The following SLCO3A1 variants were observed in gnomAD, a reference collection of about 807,000 sequenced individuals.
SLCO3A1 encodes the protein solute carrier organic anion transporter family member 3A1.
Under a neutral mutation model 63.1 loss-of-function variants are expected in SLCO3A1, and 27 were observed. The ratio of observed to expected loss-of-function variants is 0.43; its 90% CI spans 0.32 to 0.59. The LOEUF (loss-of-function observed/expected upper bound fraction) is 0.59, where lower values mean the gene tolerates loss of function less well. Among genes scored for constraint, SLCO3A1 ranks in the 20% least tolerant of loss-of-function variants. The pLI is 0.09. For synonymous variants in SLCO3A1, 473 were observed against 409.9 expected (o/e 1.15, Z -1.86); for missense variants, 773 against 945.8 (o/e 0.82, Z 2.40).
chr15:92,145,986 G>C (rs774673889), intron 7 of SLCO3A1, among the ~76,000 whole-genome samples: 4 of 152,080 alleles, frequency 2.6e-5, no homozygotes, highest in South Asian at 2.1e-4. Flanking sequence ...TGTGGGGAGA[G>C]GGGGAGGACC....
chr15:92,128,274 C>A (rs1239392500), intron 6 of SLCO3A1, 77 bp from the exon 7 acceptor site: 2 of 1,571,810 alleles, frequency 1.3e-6, no homozygotes, highest in Non-Finnish European at 1.7e-6. Context: ...ACAACAGAGG[C>A]AAAAGGCTGT....
At position 91,862,654 on chromosome 15, in the gene SLCO3A1, C is replaced by T. The variant is rs182989340; in HGVS notation, c.180+8566C>T. ...TACCTAAATTTCTAGTTGTGCAGAGCGTGAAGAAATGAGCAGGGGCTGATG... is the reference window on the plus strand; with the variant it reads ...TACCTAAATTTCTAGTTGTGCAGAGTGTGAAGAAATGAGCAGGGGCTGATG... On this transcript the variant is annotated intron_variant, in intron 1 of 9. Transcript: ENST00000318445. This position sits in a 1 kb window ranked among gnomAD's most constrained non-coding sequence, Gnocchi z 4.0. 3.9e-5 allele frequency among the ~76,000 whole-genome samples: 6 copies of T among 152,230 alleles called. No homozygotes were observed. Among genetic ancestry groups the T allele is most frequent in the Admixed American group, 2.6e-4 (4 of 15,298 alleles).
intron 3 of SLCO3A1, 54 bp downstream of exon 3, chr15:92,095,033 T>C: frequency 8.1e-7 from 1 of 1,230,372 alleles, no homozygotes; most frequent in Non-Finnish European, 1.2e-6. Context: ...TCCTCCCTCA[T>C]AAATGCGGCT....
At chr15:91,861,483 CAT>C (rs147141022) in intron 1 of SLCO3A1, among the ~76,000 whole-genome samples, 4,345 of 152,322 alleles carry the variant, frequency 0.029, 211 homozygotes, top group African/African-American at 0.098. Context: ...CGTTATTTCC[CAT>C]ATGACTGGGC....
chr15:91,889,026 G>GA, intron 1 of SLCO3A1: 2 of 525,022 alleles, frequency 3.8e-6, no homozygotes, highest in South Asian at 2.5e-5. Flanking sequence ...AAAAAGAAAA[G>GA]AAAAACCAAA....
chr15:92,015,134 G>A (rs773054450), intron 2 of SLCO3A1, among the ~76,000 whole-genome samples: 2 of 152,138 alleles, frequency 1.3e-5, no homozygotes, highest in Non-Finnish European at 2.9e-5. Context: ...GATGAGCAAG[G>A]TCCATCCTTG....
At chr15:92,024,350 T>G (rs2046545063) in intron 2 of SLCO3A1, among the ~76,000 whole-genome samples, 1 of 152,184 alleles carries the variant, frequency 6.6e-6, no homozygotes, top group South Asian at 2.1e-4. Context: ...TCATTCCCAC[T>G]CCCAGGCTTT....
intron 1 of SLCO3A1, among the ~76,000 whole-genome samples, chr15:91,892,887 T>C (rs1369026815): frequency 2.0e-5 from 3 of 152,338 alleles, no homozygotes; most frequent in South Asian, 2.1e-4. Context: ...CACAATAAAA[T>C]GAATTAATAT....
In SLCO3A1 at chr15:92,163,187, C is replaced by A; in HGVS notation, c.*52C>A. ...TTAGTAATCCAAGGGTCATTTTTTT[C>A]TTAAAAAAAGAAAAAAAGGTTCCAA... On this transcript the variant is annotated 3_prime_UTR_variant, in exon 10 of 10. Transcript: ENST00000318445. 1 of 1,414,902 alleles carries A rather than the reference C, an allele frequency of 7.1e-7. No homozygotes were observed. The highest frequency in any genetic ancestry group is 1.5e-5 in the African/African-American group (1 of 68,344). The allele number at this position is 1,414,902 out of a possible 1,614,324, so 87.6% of individuals were successfully genotyped here. A position where few individuals can be genotyped will look rare whatever the true frequency, so the allele number is the denominator to read the frequency against.
At chr15:92,053,882 T>C (rs2046991142) in intron 2 of SLCO3A1, among the ~76,000 whole-genome samples, 1 of 152,022 alleles carries the variant, frequency 6.6e-6, no homozygotes, top group Non-Finnish European at 1.5e-5. Context: ...TGCCCTCTTT[T>C]CCTCTTTGTC....
intron 2 of SLCO3A1, among the ~76,000 whole-genome samples, chr15:92,035,492 C>T (rs565668050): frequency 1.3e-5 from 2 of 151,706 alleles, no homozygotes; most frequent in African/African-American, 4.8e-5. Context: ...ATAGAGTGAT[C>T]TAAGAGGACC....
intron 2 of SLCO3A1, among the ~76,000 whole-genome samples, chr15:92,050,328 A>G (rs1259498565): frequency 1.3e-5 from 2 of 152,212 alleles, no homozygotes; most frequent in Non-Finnish European, 2.9e-5. Context: ...CAGGCAGATG[A>G]CAAGGCAATT....
At chr15:91,914,223 A>G (rs915655531) in intron 1 of SLCO3A1, among the ~76,000 whole-genome samples, 12 of 152,212 alleles carry the variant, frequency 7.9e-5, no homozygotes, top group African/African-American at 2.7e-4. Flanking sequence ...GTCTGGCCCT[A>G]GAGCCTCTGT....
At chr15:92,153,390 GAGGC>G (rs2048332012) in intron 9 of SLCO3A1, 6 of 152,160 alleles carry the variant, frequency 3.9e-5, no homozygotes, top group African/African-American at 1.4e-4. Context: ...TCTCCAATTA[GAGGC>G]TGGAAAACCC....
rs1003043280 is a variant in SLCO3A1, at chr15:91,882,810, C to T, written c.180+28722C>T. Among the ~76,000 whole-genome samples, 4 of 152,226 alleles carry T rather than the reference C, an allele frequency of 2.6e-5. No homozygotes were observed. Among genetic ancestry groups the T allele is most frequent in the Non-Finnish European group, 5.9e-5 (4 of 68,042 alleles). On this transcript the variant is annotated intron_variant, in intron 1 of 9. Transcript: ENST00000318445. The surrounding 1 kb of genome is among the most constrained non-coding windows in gnomAD (Gnocchi z 4.4). ...GTGCTGAGATTACAGGTGTGAGCTA[C>T]CGCGCCCAGCCATGACTTCTTAATC...
intron 2 of SLCO3A1, among the ~76,000 whole-genome samples, chr15:91,981,625 A>T (rs1026521766): frequency 3.3e-5 from 5 of 152,028 alleles, no homozygotes; most frequent in African/African-American, 1.2e-4. Flanking sequence ...TTTCGGAAAA[A>T]ATTTCACAAA....
At chr15:92,120,376 C>G (rs2047849042) in intron 4 of SLCO3A1, 89 bp from the exon 5 acceptor site, 8 of 1,383,228 alleles carry the variant, frequency 5.8e-6, no homozygotes, top group East Asian at 2.4e-5. Flanking sequence ...AAGAGCGGGC[C>G]AAGAAGGGGC....
At chr15:92,035,180 C>T (rs2046709166) in intron 2 of SLCO3A1, among the ~76,000 whole-genome samples, 1 of 151,800 alleles carries the variant, frequency 6.6e-6, no homozygotes, top group Non-Finnish European at 1.5e-5. Flanking sequence ...TTCTATTTTT[C>T]CAGGTGGCCT....
At chr15:92,009,538 A>T (rs2046347232) in intron 2 of SLCO3A1, among the ~76,000 whole-genome samples, 1 of 152,240 alleles carries the variant, frequency 6.6e-6, no homozygotes, top group African/African-American at 2.4e-5. Flanking sequence ...TGTGTCAGGA[A>T]GACAGCAGGC....
Sources: allele counts gnomAD v4.1 joint callset (sites outside exome capture counted in the v4.1 genomes callset), GRCh38; gene constraint gnomAD v4.1.1; non-coding constraint Gnocchi (gnomAD v3.1); transcripts MANE v1.5; gene names NCBI Gene and HGNC (gene_info 2026-07-23, HGNC 2026-07-21).